Variants in DUSP4 observed in about 807,000 individuals in gnomAD.
DUSP4 encodes the protein dual specificity phosphatase 4.
In DUSP4, 12 loss-of-function variants were observed where a neutral mutation model predicts 27.2. The ratio of observed to expected loss-of-function variants is 0.44; its 90% confidence interval spans 0.28 to 0.71. The LOEUF (loss-of-function observed/expected upper bound fraction) is 0.71, where lower values mean the gene tolerates loss of function less well. DUSP4 is among the 30% of genes least tolerant of loss of function. DUSP4 has a pLI of 0.14. For synonymous variants in DUSP4, 257 were observed against 245.2 expected, an observed-to-expected ratio of 1.05 and a Z score of -0.45; for missense variants, 448 against 551.3, an observed-to-expected ratio of 0.81 and a Z score of 1.88.
chr8:29,345,697 TCTCCTATAAG>T, intron 1 of DUSP4: 1 of 1,407,192 alleles, frequency 7.1e-7, no homozygotes. Flanking sequence ...GGAGCCCACC[TCTCCTATAAG>T]CACCCAGGAT....
chr8:29,342,089 T>C (rs1238715968), intron 1 of DUSP4, among the ~76,000 whole-genome samples: 2 of 150,566 alleles, frequency 1.3e-5, no homozygotes, highest in African/African-American at 2.5e-5. Flanking sequence ...CAAAAGTGAA[T>C]GGTTGGGTGG....
chr8:29,348,421 G>GAGA, intron 1 of DUSP4: 1 of 985,590 alleles, frequency 1.0e-6, no homozygotes, highest in Non-Finnish European at 1.2e-6. Context: ...GCGCTTTGGG[G>GAGA]AGAAGGGAGG....
rs1208937026 is a variant in DUSP4, at chr8:29,336,439, G to C, written c.*587C>G. Reference sequence around the variant, plus strand: ...TAAATCCACTGTAACTAGACTTTTTGTACTTTCATACTCTGAAGAAAGTCT... The same window carrying C: ...TAAATCCACTGTAACTAGACTTTTTCTACTTTCATACTCTGAAGAAAGTCT... On this transcript the variant is annotated 3_prime_UTR_variant, in exon 4 of 4. Transcript: ENST00000240100. 1 of 152,140 alleles carries C rather than the reference G, an allele frequency of 6.6e-6. No individual in the cohort carries two copies. The highest frequency in any genetic ancestry group is 2.4e-5 in the African/African-American group (1 of 41,368). 9.4% of individuals were successfully genotyped at this position (152,140 alleles called of 1,614,324 possible).
chr8:29,344,704 A>G (rs1171420628), intron 1 of DUSP4, among the ~76,000 whole-genome samples: 3 of 152,222 alleles, frequency 2.0e-5, no homozygotes, highest in African/African-American at 7.2e-5. Flanking sequence ...CGTCCCTTGC[A>G]GGAGTAGGAG....
At chr8:29,340,748 G>A (rs971234494) in intron 1 of DUSP4, among the ~76,000 whole-genome samples, 5 of 152,134 alleles carry the variant, frequency 3.3e-5, no homozygotes, top group African/African-American at 9.7e-5. Flanking sequence ...TCCATTGCAC[G>A]TCCTCATGAA....
At chr8:29,349,734 TC>T in intron 1 of DUSP4, 111 bp downstream of exon 1, 1 of 1,331,962 alleles carries the variant, frequency 7.5e-7, no homozygotes. Context: ...CGCGCGGGGA[TC>T]CCCGCAACCA....
rs761934361 is a variant in DUSP4, at chr8:29,340,103, C to T, written c.574G>A (p.Asp192Asn). 1.7e-5 allele frequency: 26 copies of T among 1,570,246 alleles called. No homozygotes were observed. The highest frequency in any genetic ancestry group is 2.1e-5 in the Non-Finnish European group (24 of 1,157,474). The stretch of plus-strand genomic sequence containing the variant: ...GCCCTGCCCCCCGAGTCTACCTGGT[C>T]GTGTAGTGGGGTCCCACAGGAGCTG... ...GCSSCGTPLHDQGGPVEILPF... is the reference protein window; with the variant it reads ...GCSSCGTPLHNQGGPVEILPF... Residue 192 changes from aspartate (D) to asparagine (N), a missense_variant, in exon 2 of 4, where the codon GAC becomes AAC. Transcript: ENST00000240100.
chr8:29,345,901 T>C (rs576207000), intron 1 of DUSP4: 1,203 of 981,394 alleles, frequency 1.2e-3, no homozygotes, highest in Non-Finnish European at 1.4e-3. Context: ...AGTCCTTGGC[T>C]GTCATGGGCA....
chr8:29,339,904 C>G (rs1258535126), intron 2 of DUSP4, among the ~76,000 whole-genome samples, 194 bp downstream of exon 2: 1 of 151,236 alleles, frequency 6.6e-6, no homozygotes, highest in Non-Finnish European at 1.5e-5. Context: ...TCCCAGCTAC[C>G]AGGGAGGATC....
Position 29,350,675 on chromosome 8 carries a change from C to T in DUSP4, c.-397G>A, listed in dbSNP as rs1817811230. On this transcript the variant is annotated 5_prime_UTR_variant, in exon 1 of 4. Coordinates refer to ENST00000240100, the MANE Select transcript of DUSP4 (RefSeq NM_001394.7). Reference sequence around the variant, plus strand: ...CGCTCCTCCGGCGCTCAGCGCACTGCCCCAGCCAGAGTTTTCTCCTCGGCT... The same window carrying T: ...CGCTCCTCCGGCGCTCAGCGCACTGTCCCAGCCAGAGTTTTCTCCTCGGCT... 2 of 200,208 alleles carry T rather than the reference C, an allele frequency of 1.0e-5. No homozygotes were observed. The highest frequency in any genetic ancestry group is 2.0e-5 in the Non-Finnish European group (2 of 100,846). The allele number at this position is 200,208 out of a possible 1,614,324, so 12.4% of individuals were successfully genotyped here. A position where few individuals can be genotyped will look rare whatever the true frequency, so the allele number is the denominator to read the frequency against.
intron 2 of DUSP4, 119 bp downstream of exon 2, chr8:29,339,979 G>T: frequency 2.2e-6 from 3 of 1,353,362 alleles, no homozygotes; most frequent in Non-Finnish European, 2.0e-6. Flanking sequence ...CTGGGTGACA[G>T]AGCAAGACTG....
intron 1 of DUSP4, chr8:29,348,693 C>G (rs1456634554): frequency 1.0e-6 from 1 of 985,442 alleles, no homozygotes; most frequent in African/African-American, 1.7e-5. Flanking sequence ...TCCCTTCCTC[C>G]CGGGTGGACA....
At chr8:29,338,570 G>A in intron 2 of DUSP4, 69 bp from the exon 3 acceptor site, 2 of 1,511,424 alleles carry the variant, frequency 1.3e-6, no homozygotes, top group South Asian at 1.2e-5. Context: ...GGGAGTGGAA[G>A]CTTGTCTGAG....
At chr8:29,345,500 G>T (rs1358991610) in intron 1 of DUSP4, 2 of 1,592,912 alleles carry the variant, frequency 1.3e-6, no homozygotes, top group African/African-American at 2.7e-5. Context: ...CAGCAAACTG[G>T]CTTCCGTTGG....
At chr8:29,345,527 C>T in intron 1 of DUSP4, 3 of 1,566,428 alleles carry the variant, frequency 1.9e-6, no homozygotes, top group South Asian at 2.4e-5. Context: ...CTTTTCTTCC[C>T]ATCGTGCTTC....
At chr8:29,343,363 C>T (rs1019549972) in intron 1 of DUSP4, among the ~76,000 whole-genome samples, 1 of 151,922 alleles carries the variant, frequency 6.6e-6, no homozygotes, top group Non-Finnish European at 1.5e-5. Context: ...TGGGTGAGAA[C>T]GATATGTTCT....
chr8:29,347,072 T>G (rs963117078), intron 1 of DUSP4, among the ~76,000 whole-genome samples: 1 of 152,108 alleles, frequency 6.6e-6, no homozygotes, highest in Admixed American at 6.5e-5. Context: ...ATTACTCCAG[T>G]AGGAAACAAA....
In DUSP4 at chr8:29,350,501, G is replaced by T; in HGVS notation, c.-223C>A. The stretch of plus-strand genomic sequence containing the variant: ...TCGGAGCGGCCTCGGGCGCCCAGCC[G>T]GGCGGCGCGCAGAGCGGAGGGGGAG... On this transcript the variant is annotated 5_prime_UTR_variant, in exon 1 of 4. Coordinates refer to ENST00000240100, the MANE Select transcript of DUSP4 (RefSeq NM_001394.7). 1.8e-6 allele frequency: 1 copy of T among 562,992 alleles called. No individual in the cohort carries two copies. The highest frequency in any genetic ancestry group is 3.0e-6 in the Non-Finnish European group (1 of 333,222). 34.9% of individuals were successfully genotyped at this position (562,992 alleles called of 1,614,324 possible).
chr8:29,338,490 C>T lies in DUSP4; in HGVS notation c.591G>A (p.Val197=), dbSNP rs562374740. The T allele has an allele frequency of 1.9e-5, 31 of 1,613,228 alleles. No homozygotes were observed. The South Asian group carries it at 3.3e-4, about 17-fold the overall frequency. The change falls in exon 3 of 4, where the codon GTG becomes GTA. Residue 197 remains valine (V), a synonymous_variant. Transcript: ENST00000240100. ...GTPLHDQGGP[V]EILPFLYLGS... is the part of the protein sequence containing the mutation. Reference sequence around the variant, plus strand: ...CGAGGTAGAGGAAGGGAAGGATCTCCACAGGACCCCCCTGCACAGAAAGGG... The same window carrying T: ...CGAGGTAGAGGAAGGGAAGGATCTCTACAGGACCCCCCTGCACAGAAAGGG...
Sources: allele counts gnomAD v4.1 joint callset (sites outside exome capture counted in the v4.1 genomes callset), GRCh38; gene constraint gnomAD v4.1.1; transcripts MANE v1.5; gene names NCBI Gene and HGNC (gene_info 2026-07-23, HGNC 2026-07-21).